RALYL: variants seen among roughly 807,000 people sequenced by gnomAD.
The protein encoded by RALYL is RNA-binding Raly-like protein.
In RALYL, 29 loss-of-function variants were observed where a neutral mutation model predicts 35.1. The observed-to-expected ratio is 0.83, with a 90% CI of 0.61 to 1.13. RALYL has a LOEUF of 1.13. Among genes scored for constraint, RALYL ranks in the 50% most tolerant of loss-of-function variants. The probability of loss-of-function intolerance (pLI) is 0.00; values close to 1 mark genes in which losing one functional copy is unlikely to be tolerated. For missense variants in RALYL, 359 were observed against 360.4 expected (o/e 1.00, Z 0.03); for synonymous variants, 120 against 127.6 (o/e 0.94, Z 0.40).
chr8:84,262,150 T>A (rs777971679), intron 1 of RALYL, among the ~76,000 whole-genome samples: 14 of 152,326 alleles, frequency 9.2e-5, no homozygotes, highest in South Asian at 6.2e-4. Context: ...ATTTTTGATA[T>A]GTTTTCTGTT....
At chr8:84,570,727 T>C (rs1807756227) in intron 2 of RALYL, among the ~76,000 whole-genome samples, 1 of 151,966 alleles carries the variant, frequency 6.6e-6, no homozygotes, top group South Asian at 2.1e-4. Flanking sequence ...GTATTTGCCA[T>C]GGATGGCTCT....
chr8:84,843,978 T>G (rs1341207101), intron 4 of RALYL, among the ~76,000 whole-genome samples: 1 of 152,200 alleles, frequency 6.6e-6, no homozygotes, highest in Admixed American at 6.5e-5. Context: ...CAAGATGGAT[T>G]AAAGACTTAA....
intron 2 of RALYL, among the ~76,000 whole-genome samples, chr8:84,772,500 CTG>C (rs144279305): frequency 0.23 from 34,737 of 151,746 alleles, 4,191 homozygotes; most frequent in Non-Finnish European, 0.25. Context: ...TATAAGGTAA[CTG>C]TAAAATTTTT....
chr8:84,678,425 G>A (rs879374685), intron 2 of RALYL, among the ~76,000 whole-genome samples: 10 of 151,756 alleles, frequency 6.6e-5, no homozygotes, highest in South Asian at 6.2e-4. Flanking sequence ...CACCACACCC[G>A]GATAATTTTT....
intron 1 of RALYL, among the ~76,000 whole-genome samples, chr8:84,381,412 A>G (rs1478813859): frequency 6.6e-6 from 1 of 151,840 alleles, no homozygotes; most frequent in Non-Finnish European, 1.5e-5. Context: ...CCTTCTTAAC[A>G]CTAACTCTTC....
intron 4 of RALYL, among the ~76,000 whole-genome samples, chr8:84,844,111 G>A (rs1834050359): frequency 6.6e-6 from 1 of 152,062 alleles, no homozygotes; most frequent in African/African-American, 2.4e-5. Context: ...AGCCAAAATT[G>A]ACAAATGGGA....
At chr8:84,756,586 A>T (rs1248699501) in intron 2 of RALYL, among the ~76,000 whole-genome samples, 1 of 152,148 alleles carries the variant, frequency 6.6e-6, no homozygotes, top group Non-Finnish European at 1.5e-5. Context: ...TCTTCCCAAC[A>T]GCCGGGCTGT....
intron 3 of RALYL, 26 bp downstream of exon 3, chr8:84,774,680 CTA>C (rs771563845): frequency 1.3e-6 from 2 of 1,498,140 alleles, no homozygotes; most frequent in Admixed American, 3.7e-5. Flanking sequence ...CTGTTTTACT[CTA>C]TATATTAGTG....
intron 1 of RALYL, among the ~76,000 whole-genome samples, chr8:84,426,951 C>T (rs1031796223): frequency 6.6e-6 from 1 of 151,874 alleles, no homozygotes; most frequent in Non-Finnish European, 1.5e-5. Flanking sequence ...GGGCACATAC[C>T]CAAAGGAAAT....
At chr8:84,826,524 T>C (rs1209132343) in intron 4 of RALYL, among the ~76,000 whole-genome samples, 1 of 152,032 alleles carries the variant, frequency 6.6e-6, no homozygotes, top group Non-Finnish European at 1.5e-5. Flanking sequence ...ATACCAAAAA[T>C]GTCATCATTT....
intron 3 of RALYL, among the ~76,000 whole-genome samples, chr8:84,804,039 T>TTC (rs1563640614): frequency 1.3e-5 from 2 of 151,986 alleles, no homozygotes; most frequent in East Asian, 3.9e-4. Flanking sequence ...GTGGATGCTT[T>TTC]CCTGATTTAC....
rs751769460 is a variant in RALYL, at chr8:84,814,977, G to A, written c.365+10175G>A. On this transcript the variant is annotated intron_variant, in intron 4 of 8. Coordinates refer to ENST00000521268, the MANE Select transcript of RALYL (RefSeq NM_173848.7). ...ATTCTGATACCAGTGGGGCCTGGGA[G>A]CCATCATCTACAAGGTGCTTTCATC... Among the ~76,000 whole-genome samples the A allele has an allele frequency of 6.1e-4, 93 of 152,180 alleles. 2 individuals carry two copies. Among genetic ancestry groups the A allele is most frequent in the Non-Finnish European group, 1.5e-4 (10 of 68,030 alleles).
At chr8:84,562,130 C>A (rs1315860831) in intron 2 of RALYL, among the ~76,000 whole-genome samples, 1 of 151,918 alleles carries the variant, frequency 6.6e-6, no homozygotes, top group Non-Finnish European at 1.5e-5. Flanking sequence ...TCAGTAGTCT[C>A]TTGGATTCAA....
chr8:84,691,231 G>A (rs1837987372), intron 2 of RALYL, among the ~76,000 whole-genome samples: 1 of 151,870 alleles, frequency 6.6e-6, no homozygotes, highest in Non-Finnish European at 1.5e-5. Flanking sequence ...ATGGGCTTGT[G>A]ATGAACTCTC....
intron 1 of RALYL, among the ~76,000 whole-genome samples, chr8:84,423,802 C>G (rs544269724): frequency 6.6e-6 from 1 of 151,312 alleles, no homozygotes; most frequent in African/African-American, 2.4e-5. Context: ...TTCTCCTTCA[C>G]TTATGAAGCT....
At chr8:84,736,017 C>A (rs1007658891) in intron 2 of RALYL, among the ~76,000 whole-genome samples, 2 of 152,080 alleles carry the variant, frequency 1.3e-5, no homozygotes, top group African/African-American at 4.8e-5. Context: ...TCTCCCAGAA[C>A]TGCAACACTC....
intron 2 of RALYL, among the ~76,000 whole-genome samples, chr8:84,671,411 C>T (rs537190428): frequency 8.3e-4 from 126 of 152,294 alleles, no homozygotes; most frequent in Middle Eastern, 3.4e-3. Context: ...CCAGTGGGGA[C>T]TGTGGGCGTA....
chr8:84,802,621 A>C (rs1021951722), intron 3 of RALYL, among the ~76,000 whole-genome samples: 4 of 152,192 alleles, frequency 2.6e-5, no homozygotes, highest in Non-Finnish European at 5.9e-5. Flanking sequence ...AGAGAGAGAA[A>C]TCAATCAATA....
chr8:84,727,799 GA>G (rs1288530686), intron 2 of RALYL, among the ~76,000 whole-genome samples: 2 of 151,956 alleles, frequency 1.3e-5, no homozygotes, highest in Non-Finnish European at 2.9e-5. Context: ...CAAAGGACAT[GA>G]ACTCATCCTT....
Sources: gnomAD v4.1 joint callset for allele counts (sites outside exome capture counted in the v4.1 genomes callset) on GRCh38, gnomAD v4.1.1 for gene constraint, MANE v1.5 for transcripts, NCBI Gene and HGNC (gene_info 2026-07-23, HGNC 2026-07-21) for gene names.